Variants in SLIT1 observed in about 807,000 individuals in gnomAD.
SLIT1 encodes slit homolog 1 protein.
SLIT1 carries 66 observed loss-of-function variants against 186.1 expected under a neutral mutation model. The ratio of observed to expected loss-of-function variants is 0.35; its 90% confidence interval spans 0.29 to 0.44. The LOEUF (loss-of-function observed/expected upper bound fraction) is 0.44, where lower values mean the gene tolerates loss of function less well. Ranked by LOEUF, SLIT1 falls within the 20% of genes least tolerant of loss-of-function variation. The pLI is 1.00. For synonymous variants in SLIT1, 761 were observed against 833.8 expected (o/e 0.91, Z 1.50); for missense variants, 1,638 against 2,037.4 (o/e 0.80, Z 3.77).
chr10:97,109,491 G>A (rs182233956), intron 4 of SLIT1, among the ~76,000 whole-genome samples: 281 of 152,184 alleles, frequency 1.8e-3, no homozygotes, highest in Middle Eastern at 0.01. Context: ...GAAACATCCC[G>A]ACAGGAAACT....
At chr10:97,103,125 G>T (rs1374524018) in intron 4 of SLIT1, 1 of 152,300 alleles carries the variant, frequency 6.6e-6, no homozygotes, top group African/African-American at 2.4e-5. Flanking sequence ...GACCGTATGG[G>T]CAGCTCTCCA....
intron 3 of SLIT1, among the ~76,000 whole-genome samples, chr10:97,162,537 C>G (rs879685371): frequency 1.8e-4 from 27 of 152,228 alleles, no homozygotes; most frequent in African/African-American, 6.5e-4. Flanking sequence ...CGCTTGAACC[C>G]GGGAGGTGGA....
chr10:97,063,276 G>A (rs900650025), intron 8 of SLIT1, among the ~76,000 whole-genome samples, 179 bp downstream of exon 8: 1 of 151,640 alleles, frequency 6.6e-6, no homozygotes, highest in Non-Finnish European at 1.5e-5. Context: ...GGCAGGAGGG[G>A]CAGATAGTGG....
At chr10:97,177,413 C>T (rs1211054438) in intron 1 of SLIT1, among the ~76,000 whole-genome samples, 1 of 152,232 alleles carries the variant, frequency 6.6e-6, no homozygotes. Context: ...TCTCTCAGCT[C>T]TCTCTGCCTT....
chr10:97,070,649 G>T (rs1848993795), intron 4 of SLIT1, among the ~76,000 whole-genome samples: 1 of 152,140 alleles, frequency 6.6e-6, no homozygotes, highest in Non-Finnish European at 1.5e-5. Context: ...ACCGCAGAGA[G>T]CTGCCTTGCC....
chr10:97,132,580 C>T (rs1298191534), intron 4 of SLIT1, among the ~76,000 whole-genome samples: 1 of 152,210 alleles, frequency 6.6e-6, no homozygotes, highest in Admixed American at 6.5e-5. Context: ...CCACCACCCT[C>T]TTCTGAGCCC....
At chr10:97,159,679 A>G (rs903360887) in intron 3 of SLIT1, among the ~76,000 whole-genome samples, 4 of 152,244 alleles carry the variant, frequency 2.6e-5, no homozygotes, top group African/African-American at 9.6e-5. Flanking sequence ...AGTCATGGCC[A>G]CCATCATAAT....
intron 4 of SLIT1, among the ~76,000 whole-genome samples, chr10:97,147,634 G>T (rs1018683103): frequency 2.7e-5 from 4 of 149,772 alleles, no homozygotes; most frequent in South Asian, 4.2e-4. Flanking sequence ...AGAGCTGGGA[G>T]GGGGGGGAAG....
intron 4 of SLIT1, among the ~76,000 whole-genome samples, chr10:97,066,921 G>A (rs1848952405): frequency 6.6e-6 from 1 of 152,152 alleles, no homozygotes; most frequent in Admixed American, 6.5e-5. Flanking sequence ...CCACTGTCTG[G>A]CACCAGGTGG....
intron 1 of SLIT1, among the ~76,000 whole-genome samples, chr10:97,179,888 T>C (rs1431821137): frequency 1.3e-5 from 2 of 151,324 alleles, no homozygotes; most frequent in Non-Finnish European, 2.9e-5. Flanking sequence ...TGTATGGCGA[T>C]AATTACAGGA....
intron 4 of SLIT1, among the ~76,000 whole-genome samples, chr10:97,114,312 T>C (rs762232235): frequency 1.3e-5 from 2 of 152,144 alleles, no homozygotes; most frequent in African/African-American, 2.4e-5. Context: ...CAAGTGAACA[T>C]AGAAACAGCA....
chr10:97,177,267 C>T (rs1850269030), intron 1 of SLIT1, among the ~76,000 whole-genome samples: 1 of 152,166 alleles, frequency 6.6e-6, no homozygotes, highest in South Asian at 2.1e-4. Flanking sequence ...TTTTTAGTGG[C>T]AATTCAAAGA....
At chr10:97,087,452 G>T (rs1218918721) in intron 4 of SLIT1, among the ~76,000 whole-genome samples, 1 of 152,226 alleles carries the variant, frequency 6.6e-6, no homozygotes, top group African/African-American at 2.4e-5. Flanking sequence ...ATGTCTGCAA[G>T]TCTCAAGCCT....
chr10:97,001,455 G>A (rs2134583667), intron 36 of SLIT1, 105 bp from the exon 37 acceptor site: 2 of 849,090 alleles, frequency 2.4e-6, no homozygotes, highest in East Asian at 2.4e-5. Flanking sequence ...GCATCTGTGG[G>A]GTGGATCCTT....
chr10:97,158,523 A>C (rs964002326), intron 3 of SLIT1, among the ~76,000 whole-genome samples: 2 of 151,934 alleles, frequency 1.3e-5, no homozygotes, highest in African/African-American at 4.8e-5. Flanking sequence ...TTAGCCAGGC[A>C]TGGTGGCAGG....
intron 25 of SLIT1, among the ~76,000 whole-genome samples, chr10:97,028,030 A>G (rs1235462562): frequency 6.6e-6 from 1 of 152,194 alleles, no homozygotes; most frequent in African/African-American, 2.4e-5. Context: ...ATGTGGTCCC[A>G]GGGTAGCAGC....
At chr10:97,166,615 G>GA (rs773428114) in intron 1 of SLIT1, among the ~76,000 whole-genome samples, 4 of 50,298 alleles carry the variant, frequency 8.0e-5, no homozygotes, top group Non-Finnish European at 1.2e-4. Flanking sequence ...AAGAAAGAAA[G>GA]AAAGAAAGAG....
intron 1 of SLIT1, among the ~76,000 whole-genome samples, chr10:97,179,807 C>CCA (rs1554855925): frequency 3.3e-5 from 5 of 150,650 alleles, no homozygotes; most frequent in Non-Finnish European, 5.9e-5. Flanking sequence ...CCCTCCCCGC[C>CCA]CCCCGGCACA....
In SLIT1 at chr10:97,018,622, G is replaced by T. The variant is rs750007616; in HGVS notation, c.2933C>A (p.Thr978Asn). Residue 978 changes from threonine to asparagine, a missense_variant, in exon 28 of 37, where the codon ACC (threonine) becomes AAC (asparagine). Around this residue, in one of 3 missense-constraint regions of SLIT1, gnomAD observed 1,245 missense variants for 1,535.3 expected, o/e 0.81. Transcript: ENST00000266058. ...CSSGPCENGG[T>N]CHAQEGEDAP... ...ATCCTCGCCCTCCTGTGCATGGCAG[G>T]TGCCCCCATTTTCACAGGGGCCACT... 6.3e-7 allele frequency: 1 copy of T among 1,595,912 alleles called. No homozygotes were observed. Among genetic ancestry groups the T allele is most frequent in the Non-Finnish European group, 8.5e-7 (1 of 1,171,406 alleles).
Sources: gnomAD v4.1 joint callset for allele counts (sites outside exome capture counted in the v4.1 genomes callset) on GRCh38, gnomAD v4.1.1 for gene constraint, gnomAD v4.1.1 regional missense constraint, MANE v1.5 for transcripts, NCBI Gene and HGNC (gene_info 2026-07-23, HGNC 2026-07-21) for gene names.